The following EPHX1 variants were observed in gnomAD, a reference collection of about 807,000 sequenced individuals.
EPHX1 encodes the protein epoxide hydratase.
Under a neutral mutation model 43.2 loss-of-function variants are expected in EPHX1, and 40 were observed. That is an observed-to-expected ratio of 0.93 (90% CI 0.72 to 1.21). The LOEUF is 1.21. EPHX1 is among the 50% of genes most tolerant of loss of function. EPHX1 has a pLI of 0.00. For synonymous variants in EPHX1, 221 were observed against 226.7 expected, an observed-to-expected ratio of 0.98 and a Z score of 0.22; for missense variants, 550 against 570.4, an observed-to-expected ratio of 0.96 and a Z score of 0.36.
intron 1 of EPHX1, among the ~76,000 whole-genome samples, chr1:225,811,110 C>G (rs1036560304): frequency 2.0e-5 from 3 of 152,224 alleles, no homozygotes; most frequent in Admixed American, 2.0e-4. Flanking sequence ...GAAACTTGCC[C>G]GGGAGTTCAC....
intron 1 of EPHX1, among the ~76,000 whole-genome samples, chr1:225,813,003 C>T (rs1666556687): frequency 6.6e-6 from 1 of 152,218 alleles, no homozygotes; most frequent in African/African-American, 2.4e-5. Flanking sequence ...CCAGCTCTGC[C>T]ATTAATGTGT....
At chr1:225,832,811 A>G (rs1307158169) in intron 3 of EPHX1, among the ~76,000 whole-genome samples, 1 of 152,146 alleles carries the variant, frequency 6.6e-6, no homozygotes, top group Non-Finnish European at 1.5e-5. Flanking sequence ...ACTGATGTTG[A>G]GCATTTTTTA....
intron 1 of EPHX1, among the ~76,000 whole-genome samples, chr1:225,811,693 G>A (rs374712952): frequency 8.3e-4 from 126 of 152,302 alleles, no homozygotes; most frequent in Non-Finnish European, 1.4e-3. Context: ...AGGTTTGGGG[G>A]ATAATAGGGG....
At chr1:225,821,957 G>A (rs960851024) in intron 1 of EPHX1, among the ~76,000 whole-genome samples, 1 of 152,116 alleles carries the variant, frequency 6.6e-6, no homozygotes, top group Non-Finnish European at 1.5e-5. Flanking sequence ...AAACTAACAA[G>A]TACTCTACTT....
At position 225,840,055 on chromosome 1, in the gene EPHX1, T is replaced by TG. The variant is rs1668271211; in HGVS notation, c.931+18_931+19insG. ...CACCGTAGGTGAGTGTGCTCAGGGG[T>TG]CCTCGCCCACTGCCGGCTCCACTGG... is the stretch of plus-strand genomic sequence containing the variant. On this transcript the variant is annotated intron_variant, in intron 6 of 8. Coordinates refer to ENST00000272167, the MANE Select transcript of EPHX1 (RefSeq NM_001136018.4). 6.2e-7 allele frequency: 1 copy of TG among 1,612,696 alleles called. No homozygotes were observed. Among genetic ancestry groups the TG allele is most frequent in the African/African-American group, 1.3e-5 (1 of 74,770 alleles).
intron 1 of EPHX1, among the ~76,000 whole-genome samples, chr1:225,822,479 A>G (rs573191994): frequency 4.4e-4 from 67 of 152,328 alleles, no homozygotes; most frequent in Middle Eastern, 3.4e-3. Flanking sequence ...AGGCAGATCA[A>G]TGAAGCTCTG....
In EPHX1 at chr1:225,817,829, C is replaced by G. The variant is rs111939505; in HGVS notation, c.-6+7660C>G. Among the ~76,000 whole-genome samples, 1 of 152,240 alleles carries G rather than the reference C, an allele frequency of 6.6e-6. No homozygotes were observed. Among genetic ancestry groups the G allele is most frequent in the Non-Finnish European group, 1.5e-5 (1 of 68,050 alleles). On this transcript the variant is annotated intron_variant, in intron 1 of 8. Coordinates refer to ENST00000272167, the MANE Select transcript of EPHX1 (RefSeq NM_001136018.4). The surrounding 1 kb of genome is among the most constrained non-coding windows in gnomAD (Gnocchi z 5.7). ...GCCCTGCAATGCACTTAGCCAAGGC[C>G]GGGCACATGGCAAGTGCTGAGTCAT...
intron 1 of EPHX1, among the ~76,000 whole-genome samples, chr1:225,814,074 C>G (rs1666609984): frequency 6.6e-6 from 1 of 152,204 alleles, no homozygotes; most frequent in South Asian, 2.1e-4. Context: ...TTAACTACTT[C>G]ACATATCTGA....
rs545590886 is a variant in EPHX1, at chr1:225,824,238, G to A, written c.-5-4487G>A. Among the ~76,000 whole-genome samples, 5 of 152,032 alleles carry A rather than the reference G, an allele frequency of 3.3e-5. No homozygotes were observed. The East Asian group carries it at 9.7e-4, about 29-fold the overall frequency. ...TATTACATTTTTTGAGAAAAGCTATGCAGGCCTGGGAGACGTCTGTGCCCT... is the reference window on the plus strand; with the variant it reads ...TATTACATTTTTTGAGAAAAGCTATACAGGCCTGGGAGACGTCTGTGCCCT... On this transcript the variant is annotated intron_variant, in intron 1 of 8. Transcript: ENST00000272167.
At chr1:225,828,111 C>T (rs1342528133) in intron 1 of EPHX1, among the ~76,000 whole-genome samples, 12 of 152,028 alleles carry the variant, frequency 7.9e-5, no homozygotes, top group Non-Finnish European at 2.9e-5. Context: ...TTTGGGAGGC[C>T]GAGGCGGGCG....
chr1:225,845,505 A>AC lies in EPHX1; in HGVS notation c.*163dup. The AC allele has an allele frequency of 1.5e-6, 1 of 672,366 alleles. No individual in the cohort carries two copies. The highest frequency in any genetic ancestry group is 1.8e-5 in the African/African-American group (1 of 55,616). The allele number at this position is 672,366 out of a possible 1,614,324, so 41.7% of individuals were successfully genotyped here. A position where few individuals can be genotyped will look rare whatever the true frequency, so the allele number is the denominator to read the frequency against. ...CTCACCCCTCCAAGCTCACTCCCCA[A>AC]CCCCCAACTCCGTGTGGTAAGCAAC... On this transcript the variant is annotated 3_prime_UTR_variant, in exon 9 of 9. Coordinates refer to ENST00000272167, the MANE Select transcript of EPHX1 (RefSeq NM_001136018.4).
chr1:225,823,020 G>A (rs968250086), intron 1 of EPHX1, among the ~76,000 whole-genome samples: 3 of 152,138 alleles, frequency 2.0e-5, no homozygotes, highest in Non-Finnish European at 4.4e-5. Context: ...GGATTTAGGG[G>A]AAGAGGAAGG....
chr1:225,832,588 T>A (rs1667673825), intron 3 of EPHX1, among the ~76,000 whole-genome samples: 1 of 152,264 alleles, frequency 6.6e-6, no homozygotes, highest in South Asian at 2.1e-4. Context: ...TGTTGGATCA[T>A]ACGGTAATTC....
chr1:225,831,757 G>C, intron 2 of EPHX1, 22 bp from the exon 3 acceptor site: 1 of 1,612,682 alleles, frequency 6.2e-7, no homozygotes, highest in Non-Finnish European at 8.5e-7. Flanking sequence ...CTCTCAACTT[G>C]GGGTCCTGAA....
chr1:225,840,535 A>C (rs554579927), intron 6 of EPHX1, among the ~76,000 whole-genome samples: 1 of 152,384 alleles, frequency 6.6e-6, no homozygotes, highest in East Asian at 1.9e-4. Flanking sequence ...AAATTTTAAA[A>C]AGAAACAATT....
Position 225,811,916 on chromosome 1 carries a change from C to G in EPHX1, c.-6+1747C>G, listed in dbSNP as rs78489655. Among the ~76,000 whole-genome samples the G allele has an allele frequency of 2.2e-3, 341 of 152,226 alleles. 11 individuals carry two copies. In the East Asian group the frequency reaches 0.045, roughly 20 times the overall value. On this transcript the variant is annotated intron_variant, in intron 1 of 8. Transcript: ENST00000272167. ...GGGCAGAGGGATAATAAACAAAATA[C>G]ATTTGTAAACTATAAAGTATGTTAG...
At chr1:225,816,304 G>GA (rs1249331051) in intron 1 of EPHX1, among the ~76,000 whole-genome samples, 1 of 151,698 alleles carries the variant, frequency 6.6e-6, no homozygotes, top group Admixed American at 6.6e-5. Flanking sequence ...AAAATTAAAA[G>GA]AAAAAACAAG....
chr1:225,839,388 T>C (rs1304071006), intron 5 of EPHX1, 42 bp downstream of exon 5: 1 of 1,608,400 alleles, frequency 6.2e-7, no homozygotes, highest in Non-Finnish European at 8.5e-7. Flanking sequence ...TGTGTGTGTG[T>C]GTGTGTGTGT....
chr1:225,832,571 G>A (rs899547004), intron 3 of EPHX1, among the ~76,000 whole-genome samples: 1 of 152,246 alleles, frequency 6.6e-6, no homozygotes, highest in Non-Finnish European at 1.5e-5. Context: ...ATACTCAGAA[G>A]TGGACTTGTT....
Sources: allele counts gnomAD v4.1 joint callset (sites outside exome capture counted in the v4.1 genomes callset), GRCh38; gene constraint gnomAD v4.1.1; non-coding constraint Gnocchi (gnomAD v3.1); transcripts MANE v1.5; gene names NCBI Gene and HGNC (gene_info 2026-07-23, HGNC 2026-07-21).